Variants in DLEU7 observed in about 807,000 individuals in gnomAD.
DLEU7 encodes the protein deleted in lymphocytic leukemia 7.
In DLEU7, 17 loss-of-function variants were observed where a neutral mutation model predicts 16.0. That is an observed-to-expected ratio of 1.06 (90% CI 0.73 to 1.59). DLEU7 has a LOEUF of 1.59. Ranked by LOEUF, DLEU7 falls within the 40% of genes most tolerant of loss-of-function variation. DLEU7 has a pLI of 0.00. For synonymous variants in DLEU7, 113 were observed against 139.8 expected, an observed-to-expected ratio of 0.81 and a Z score of 1.35; for missense variants, 308 against 314.9, an observed-to-expected ratio of 0.98 and a Z score of 0.17.
chr13:50,745,150 AAAG>A (rs1874358707), intron 1 of DLEU7, among the ~76,000 whole-genome samples: 1 of 152,228 alleles, frequency 6.6e-6, no homozygotes, highest in South Asian at 2.1e-4. Flanking sequence ...ACAAGCGGCA[AAAG>A]AAGAAAGCTA....
At chr13:50,736,510 TAAAGAA>T (rs1250159171) in intron 1 of DLEU7, among the ~76,000 whole-genome samples, 5 of 151,866 alleles carry the variant, frequency 3.3e-5, no homozygotes, top group Non-Finnish European at 5.9e-5. Flanking sequence ...AAATAAAAGT[TAAAGAA>T]AAGAAAGATG....
intron 1 of DLEU7, among the ~76,000 whole-genome samples, chr13:50,826,555 C>A (rs1877092967): frequency 6.6e-6 from 1 of 151,984 alleles, no homozygotes; most frequent in African/African-American, 2.4e-5. Context: ...AGAAGTTGAA[C>A]AACATGGATG....
intron 1 of DLEU7, among the ~76,000 whole-genome samples, chr13:50,770,978 T>C (rs1440838754): frequency 2.0e-5 from 3 of 152,252 alleles, no homozygotes; most frequent in Non-Finnish European, 4.4e-5. Flanking sequence ...ATTCAACTTC[T>C]TCCTGGTTTA....
intron 1 of DLEU7, among the ~76,000 whole-genome samples, chr13:50,779,897 T>C (rs1186198223): frequency 6.6e-6 from 1 of 152,124 alleles, no homozygotes; most frequent in South Asian, 2.1e-4. Flanking sequence ...CATGACACAC[T>C]TTTTTTCTAA....
At chr13:50,776,907 T>G (rs969025520) in intron 1 of DLEU7, among the ~76,000 whole-genome samples, 1 of 152,180 alleles carries the variant, frequency 6.6e-6, no homozygotes, top group Non-Finnish European at 1.5e-5. Flanking sequence ...CTTATAGGTT[T>G]TGCTTGTTTG....
At chr13:50,770,396 T>C (rs1875261858) in intron 1 of DLEU7, among the ~76,000 whole-genome samples, 1 of 152,210 alleles carries the variant, frequency 6.6e-6, no homozygotes, top group Non-Finnish European at 1.5e-5. Context: ...CAGTATGATA[T>C]TGGCTGTGGG....
chr13:50,778,542 TTAAAAA>T (rs1273092918), intron 1 of DLEU7, among the ~76,000 whole-genome samples: 3 of 152,226 alleles, frequency 2.0e-5, no homozygotes, highest in East Asian at 1.9e-4. Flanking sequence ...TTTGGGGAAC[TTAAAAA>T]TAAAAATGAA....
intron 1 of DLEU7, among the ~76,000 whole-genome samples, chr13:50,805,655 T>C (rs1444021770): frequency 6.6e-6 from 1 of 152,236 alleles, no homozygotes; most frequent in Non-Finnish European, 1.5e-5. Flanking sequence ...AGCTATGCTT[T>C]CAGCAATGCC....
chr13:50,766,351 C>T (rs113950463), intron 1 of DLEU7, among the ~76,000 whole-genome samples: 41 of 152,306 alleles, frequency 2.7e-4, no homozygotes, highest in Admixed American at 7.2e-4. Flanking sequence ...CCTGCAGGCT[C>T]GTGCTGGGCT....
At chr13:50,832,577 T>C (rs1877314384) in intron 1 of DLEU7, among the ~76,000 whole-genome samples, 1 of 152,222 alleles carries the variant, frequency 6.6e-6, no homozygotes. Context: ...GATATTAGGG[T>C]GTCGATATTA....
At chr13:50,735,633 G>A (rs1388886270) in intron 1 of DLEU7, among the ~76,000 whole-genome samples, 1 of 151,872 alleles carries the variant, frequency 6.6e-6, no homozygotes, top group Non-Finnish European at 1.5e-5. Flanking sequence ...CTAATATCCA[G>A]TATCTATAAG....
chr13:50,798,336 A>T (rs1374800066), intron 1 of DLEU7, among the ~76,000 whole-genome samples: 1 of 152,242 alleles, frequency 6.6e-6, no homozygotes, highest in African/African-American at 2.4e-5. Context: ...TCAGTTGTGC[A>T]AAAAATTAAA....
chr13:50,808,419 A>AG (rs2137787559), intron 1 of DLEU7: 1 of 152,274 alleles, frequency 6.6e-6, no homozygotes, highest in South Asian at 2.1e-4. Context: ...TACTTATATG[A>AG]GGTTGGGGGT....
intron 1 of DLEU7, among the ~76,000 whole-genome samples, chr13:50,801,798 A>G (rs1876256257): frequency 6.6e-6 from 1 of 152,168 alleles, no homozygotes; most frequent in Non-Finnish European, 1.5e-5. Flanking sequence ...TGAGAAATCT[A>G]TGTCAATCTG....
intron 1 of DLEU7, among the ~76,000 whole-genome samples, chr13:50,745,320 A>C (rs1280960632): frequency 6.6e-6 from 1 of 152,186 alleles, no homozygotes; most frequent in East Asian, 1.9e-4. Flanking sequence ...AGAAAAACAA[A>C]TACTGTTTCA....
chr13:50,762,387 T>G (rs1221307511), intron 1 of DLEU7, among the ~76,000 whole-genome samples: 1 of 152,054 alleles, frequency 6.6e-6, no homozygotes, highest in Admixed American at 6.6e-5. Flanking sequence ...GCATTATAAT[T>G]AAAATACAGA....
intron 1 of DLEU7, among the ~76,000 whole-genome samples, chr13:50,735,649 T>TAA (rs1404514181): frequency 6.6e-6 from 1 of 151,908 alleles, no homozygotes. Context: ...ATAAGGAACT[T>TAA]AAACACATTT....
exon 2 of DLEU7, chr13:50,713,013 C>A (rs548049771): frequency 1.8e-6 from 1 of 565,160 alleles, no homozygotes; most frequent in Non-Finnish European, 3.1e-6. Context: ...TGATTTGTGG[C>A]GCGTTCCAAT....
At chr13:50,773,537 A>G (rs899380424) in intron 1 of DLEU7, among the ~76,000 whole-genome samples, 3 of 152,190 alleles carry the variant, frequency 2.0e-5, no homozygotes, top group Non-Finnish European at 4.4e-5. Context: ...CCTCAACTGC[A>G]GGTCTGTTGG....
Sources: gnomAD v4.1 joint callset for allele counts (sites outside exome capture counted in the v4.1 genomes callset) on GRCh38, gnomAD v4.1.1 for gene constraint, MANE v1.5 for transcripts, NCBI Gene and HGNC (gene_info 2026-07-23, HGNC 2026-07-21) for gene names.